The following DNAJC10 variants were observed in gnomAD, a reference collection of about 807,000 sequenced individuals.
DNAJC10 encodes endoplasmic reticulum disulfide reductase DNAJC10.
A neutral mutation model predicts 115.0 loss-of-function variants in DNAJC10; 101 were observed. That is an observed-to-expected ratio of 0.88 (90% CI 0.75 to 1.04). DNAJC10 has a LOEUF of 1.04. Ranked by LOEUF, DNAJC10 falls within the 50% of genes least tolerant of loss-of-function variation. The pLI, the probability that DNAJC10 is intolerant of heterozygous loss-of-function variation, is 0.00. For missense variants in DNAJC10, 981 were observed against 928.8 expected, an observed-to-expected ratio of 1.06 and a Z score of -0.73; for synonymous variants, 307 against 301.5, an observed-to-expected ratio of 1.02 and a Z score of -0.19.
At position 182,775,345 on chromosome 2, in the gene DNAJC10, C is replaced by G. The variant is rs1167294264; in HGVS notation, c.2295C>G (p.Thr765=). 6.2e-7 allele frequency: 1 copy of G among 1,611,406 alleles called. No homozygotes were observed. The highest frequency in any genetic ancestry group is 8.5e-7 in the Non-Finnish European group (1 of 1,178,384). Residue 765 remains threonine, a synonymous_variant, in exon 23 of 24, where the codon ACC becomes ACG. Coordinates refer to ENST00000264065, the MANE Select transcript of DNAJC10 (RefSeq NM_018981.4). ...KRNFQEEQIN[T]RDAKAIAALI... ...ATTTTCAAGAAGAGCAGATAAATAC[C>G]AGAGATGCAAAAGCAATCGCTGCCT...
At chr2:182,739,179 TAG>T (rs1447999443) in intron 11 of DNAJC10, among the ~76,000 whole-genome samples, 1 of 138,030 alleles carries the variant, frequency 7.2e-6, no homozygotes, top group Non-Finnish European at 1.6e-5. Context: ...TATATATATA[TAG>T]TATATATCAT....
intron 5 of DNAJC10, among the ~76,000 whole-genome samples, chr2:182,723,610 G>T (rs1244042050): frequency 6.6e-6 from 1 of 152,104 alleles, no homozygotes; most frequent in African/African-American, 2.4e-5. Context: ...TTCCTGTGTG[G>T]TTTTTATTGT....
At chr2:182,745,014 C>T (rs1380011605) in intron 14 of DNAJC10, among the ~76,000 whole-genome samples, 2 of 152,154 alleles carry the variant, frequency 1.3e-5, no homozygotes, top group Non-Finnish European at 2.9e-5. Flanking sequence ...TGCTTATCTC[C>T]TAGCCTTTCT....
At chr2:182,760,818 T>C (rs1456339403) in intron 21 of DNAJC10, among the ~76,000 whole-genome samples, 2 of 152,216 alleles carry the variant, frequency 1.3e-5, no homozygotes, top group Non-Finnish European at 2.9e-5. Flanking sequence ...AAGGTCTTAC[T>C]AGCTATAAAA....
Position 182,746,661 on chromosome 2 carries a change from T to G in DNAJC10, c.1306+2949T>G, listed in dbSNP as rs1178043176. Among the ~76,000 whole-genome samples the G allele has an allele frequency of 3.9e-5, 6 of 152,320 alleles. No homozygotes were observed. The East Asian group carries it at 9.6e-4, about 24-fold the overall frequency. The stretch of plus-strand genomic sequence containing the variant: ...TCTCAGATGAGTAGGTTGCGAAAAT[T>G]TTCTGCCATTCTTTAGGTTGCCTGT... On this transcript the variant is annotated intron_variant, in intron 14 of 23. Coordinates refer to ENST00000264065, the MANE Select transcript of DNAJC10 (RefSeq NM_018981.4).
rs116622956 is a variant in DNAJC10 at position 182,739,501 on chromosome 2, A to G, written c.988-798A>G. ...AACTCTGTTTTGTCAACTTTCATAT[A>G]CATTTTCTTGATGTAACCATTGCTG... is the stretch of plus-strand genomic sequence containing the variant. On this transcript the variant is annotated intron_variant, in intron 11 of 23. Transcript: ENST00000264065. The G allele has an allele frequency of 8.9e-4, 1,051 of 1,179,780 alleles. 7 individuals carry two copies. In the African/African-American group the frequency reaches 0.015, roughly 17 times the overall value. The allele number at this position is 1,179,780 out of a possible 1,614,324, so 73.1% of individuals were successfully genotyped here.
Position 182,781,040 on chromosome 2 carries a change from C to CAT in DNAJC10, c.*3909_*3910dup, listed in dbSNP as rs1694833260. 6.6e-6 allele frequency: 1 copy of CAT among 151,854 alleles called. No homozygotes were observed. The highest frequency in any genetic ancestry group is 6.6e-5 in the Admixed American group (1 of 15,226). The allele number at this position is 151,854 out of a possible 1,614,324, so 9.4% of individuals were successfully genotyped here. A position where few individuals can be genotyped will look rare whatever the true frequency, so the allele number is the denominator to read the frequency against. On this transcript the variant is annotated 3_prime_UTR_variant, in exon 24 of 24. Transcript: ENST00000264065. ...CATGCAGGTTTGTTACATAGGTATA[C>CAT]ATGTGCCATGGTGGTTTGCTGCACC...
rs1693454146 is a variant in DNAJC10 at position 182,731,808 on chromosome 2, A to G, written c.806-691A>G. Among the ~76,000 whole-genome samples the G allele has an allele frequency of 3.3e-5, 5 of 152,188 alleles. No homozygotes were observed. The South Asian group carries it at 1.0e-3, about 31-fold the overall frequency. On this transcript the variant is annotated intron_variant, in intron 9 of 23. Coordinates refer to ENST00000264065, the MANE Select transcript of DNAJC10 (RefSeq NM_018981.4). The stretch of plus-strand genomic sequence containing the variant: ...CCCATTACCCCATCCTGTAAGGCCT[A>G]TGCTAGAAAGACACTGCCTTGCAGC...
chr2:182,748,524 G>A (rs1008449672), intron 14 of DNAJC10, among the ~76,000 whole-genome samples: 1 of 152,176 alleles, frequency 6.6e-6, no homozygotes, highest in African/African-American at 2.4e-5. Flanking sequence ...GCGTAGAGGT[G>A]TTTGTAGTAT....
Position 182,782,305 on chromosome 2 carries a change from T to C in DNAJC10, c.*5173T>C, listed in dbSNP as rs1694865477. On this transcript the variant is annotated 3_prime_UTR_variant, in exon 24 of 24. Transcript: ENST00000264065. ...GGCTGTGTTCTGTTCCATTGGTCTA[T>C]AGCTCTGTTTTGGTACCAGTACCAT... is the stretch of plus-strand genomic sequence containing the variant. 6.6e-6 allele frequency: 1 copy of C among 152,232 alleles called. No individual in the cohort carries two copies. The highest frequency in any genetic ancestry group is 2.4e-5 in the African/African-American group (1 of 41,456). The allele number at this position is 152,232 out of a possible 1,614,324, so 9.4% of individuals were successfully genotyped here.
chr2:182,742,018 C>A (rs1224772953), intron 13 of DNAJC10, among the ~76,000 whole-genome samples: 1 of 151,888 alleles, frequency 6.6e-6, no homozygotes. Flanking sequence ...GATATAAAAT[C>A]TCTATATCCA....
At chr2:182,775,785 A>T (rs1231129388) in intron 23 of DNAJC10, among the ~76,000 whole-genome samples, 2 of 152,244 alleles carry the variant, frequency 1.3e-5, no homozygotes, top group African/African-American at 4.8e-5. Context: ...CCATAAAAGG[A>T]ATGAAGTACT....
At position 182,793,376 on chromosome 2, in the gene DNAJC10, A is replaced by G. The variant is rs1220404075; in HGVS notation, c.*16244A>G. 1 of 152,204 alleles carries G rather than the reference A, an allele frequency of 6.6e-6. No homozygotes were observed. The highest frequency in any genetic ancestry group is 1.9e-4 in the East Asian group (1 of 5,192). The allele number at this position is 152,204 out of a possible 1,614,324, so 9.4% of individuals were successfully genotyped here. On this transcript the variant is annotated 3_prime_UTR_variant, in exon 24 of 24. Coordinates refer to ENST00000264065, the MANE Select transcript of DNAJC10 (RefSeq NM_018981.4). ...CACAGTGAAATTGTGAAATTCCAGA[A>G]CCAAAAAGAAGATCCTGGTAAAAGA...
chr2:182,724,098 C>T (rs1386798262), intron 5 of DNAJC10, among the ~76,000 whole-genome samples: 1 of 152,124 alleles, frequency 6.6e-6, no homozygotes, highest in Admixed American at 6.5e-5. Flanking sequence ...ATTCTGACAG[C>T]TACTGTAAAC....
chr2:182,738,316 G>A (rs1045005936), intron 11 of DNAJC10, among the ~76,000 whole-genome samples: 2 of 152,146 alleles, frequency 1.3e-5, no homozygotes, highest in Admixed American at 1.3e-4. Context: ...CTCCGGAAAA[G>A]TTGTACTAGT....
Position 182,736,297 on chromosome 2 carries a change from C to G in DNAJC10, c.898C>G (p.Leu300Val). 1.3e-6 allele frequency: 2 copies of G among 1,594,504 alleles called. No individual in the cohort carries two copies. Among genetic ancestry groups the G allele is most frequent in the Non-Finnish European group, 1.7e-6 (2 of 1,172,934 alleles). The change falls in exon 11 of 24, where the codon CTT becomes GTT. Residue 300 changes from leucine (L) to valine (V), a missense_variant. Coordinates refer to ENST00000264065, the MANE Select transcript of DNAJC10 (RefSeq NM_018981.4). ...GWMDCATQDNLCKSLDITTST... is the reference protein window; with the variant it reads ...GWMDCATQDNVCKSLDITTST... ...GATGGACTGTGCCACCCAGGATAAC[C>G]TTTGTAAAAGCTTAGATATTACAAC...
intron 5 of DNAJC10, among the ~76,000 whole-genome samples, chr2:182,723,200 C>T (rs1030174702): frequency 6.6e-6 from 1 of 151,968 alleles, no homozygotes; most frequent in Non-Finnish European, 1.5e-5. Context: ...CTACCACACC[C>T]AGTTAATTTT....
rs777188179 is a variant in DNAJC10 at position 182,791,678 on chromosome 2, TAATA to T, written c.*14550_*14553del. 4 of 152,186 alleles carry T rather than the reference TAATA, an allele frequency of 2.6e-5. No homozygotes were observed. Among genetic ancestry groups the T allele is most frequent in the East Asian group, 1.9e-4 (1 of 5,194 alleles). The allele number at this position is 152,186 out of a possible 1,614,324, so 9.4% of individuals were successfully genotyped here. On this transcript the variant is annotated 3_prime_UTR_variant, in exon 24 of 24. Coordinates refer to ENST00000264065, the MANE Select transcript of DNAJC10 (RefSeq NM_018981.4). ...TTCTACCTCTCATTTATTTTCTGTTTAATAAATCCAGTATTTGGGCATACAAACT... is the reference window on the plus strand; with the variant it reads ...TTCTACCTCTCATTTATTTTCTGTTTAATCCAGTATTTGGGCATACAAACT...
Position 182,718,863 on chromosome 2 carries a change from T to G in DNAJC10, c.204+573T>G, listed in dbSNP as rs1044992051. Among the ~76,000 whole-genome samples the G allele has an allele frequency of 3.3e-5, 5 of 152,308 alleles. No individual in the cohort carries two copies. The East Asian group carries it at 9.6e-4, about 29-fold the overall frequency. Reference sequence around the variant, plus strand: ...AAAACTAAACTCATTTTAATTTTTATGGTGTTTTTGTAATTTATTTGATTA... The same window carrying G: ...AAAACTAAACTCATTTTAATTTTTAGGGTGTTTTTGTAATTTATTTGATTA... On this transcript the variant is annotated intron_variant, in intron 3 of 23. Transcript: ENST00000264065.
Sources: allele counts gnomAD v4.1 joint callset (sites outside exome capture counted in the v4.1 genomes callset), GRCh38; gene constraint gnomAD v4.1.1; transcripts MANE v1.5; gene names NCBI Gene and HGNC (gene_info 2026-07-23, HGNC 2026-07-21).